GALNTL6: variants seen among roughly 807,000 people sequenced by gnomAD.
GALNTL6 encodes the protein polypeptide N-acetylgalactosaminyltransferase-like 6.
GALNTL6 carries 46 observed loss-of-function variants against 73.7 expected under a neutral mutation model. That is an observed-to-expected ratio of 0.62 (90% CI 0.49 to 0.80). GALNTL6 has a LOEUF of 0.80. Among genes scored for constraint, GALNTL6 ranks in the 30% least tolerant of loss-of-function variants. GALNTL6 has a pLI of 0.00. For synonymous variants in GALNTL6, 259 were observed against 263.7 expected (o/e 0.98, Z 0.17); for missense variants, 604 against 755.0 (o/e 0.80, Z 2.34).
At chr4:172,058,833 T>C (rs1290734860) in intron 2 of GALNTL6, among the ~76,000 whole-genome samples, 1 of 152,148 alleles carries the variant, frequency 6.6e-6, no homozygotes, top group Non-Finnish European at 1.5e-5. Flanking sequence ...TTTAACTATA[T>C]CTTATAAGTC....
At chr4:172,717,134 G>A (rs998166072) in intron 5 of GALNTL6, among the ~76,000 whole-genome samples, 4 of 151,900 alleles carry the variant, frequency 2.6e-5, no homozygotes, top group African/African-American at 9.7e-5. Flanking sequence ...AAAAAATTCA[G>A]TGTCATTTAA....
intron 10 of GALNTL6, among the ~76,000 whole-genome samples, chr4:172,984,731 A>G (rs1751221472): frequency 6.6e-6 from 1 of 152,210 alleles, no homozygotes; most frequent in African/African-American, 2.4e-5. Flanking sequence ...GTATCCTCTT[A>G]TAAGAAACCT....
chr4:172,042,455 T>A (rs192161905), intron 2 of GALNTL6, among the ~76,000 whole-genome samples: 1 of 152,026 alleles, frequency 6.6e-6, no homozygotes, highest in East Asian at 1.9e-4. Flanking sequence ...TATATCCAAT[T>A]GCTCATTAAG....
intron 2 of GALNTL6, among the ~76,000 whole-genome samples, chr4:172,071,931 T>C (rs1731544212): frequency 6.6e-6 from 1 of 152,216 alleles, no homozygotes; most frequent in Admixed American, 6.5e-5. Flanking sequence ...AGGAAAGTTA[T>C]CTGTTCATAA....
intron 5 of GALNTL6, among the ~76,000 whole-genome samples, chr4:172,721,465 T>A (rs1735469502): frequency 6.6e-6 from 1 of 152,212 alleles, no homozygotes; most frequent in South Asian, 2.1e-4. Flanking sequence ...GCAGAAATAT[T>A]AATATAGAAA....
At position 172,157,547 on chromosome 4, in the gene GALNTL6, A is replaced by G. The variant is rs181217087; in HGVS notation, c.139-72109A>G. ...TAAAGTTATAGTAATTTATTTATGA[A>G]TACAAGGTTAGAAGACAAGTCAATT... On this transcript the variant is annotated intron_variant, in intron 2 of 12. Coordinates refer to ENST00000506823, the MANE Select transcript of GALNTL6 (RefSeq NM_001034845.3). Among the ~76,000 whole-genome samples, 7 of 152,296 alleles carry G rather than the reference A, an allele frequency of 4.6e-5. No homozygotes were observed. In the East Asian group the frequency reaches 1.2e-3, roughly 25 times the overall value.
chr4:172,469,461 A>G (rs1024265832), intron 5 of GALNTL6, among the ~76,000 whole-genome samples: 2 of 151,624 alleles, frequency 1.3e-5, no homozygotes, highest in African/African-American at 4.8e-5. Flanking sequence ...AAAAAAAAAA[A>G]TAGCCAGTCA....
At chr4:173,022,757 T>C (rs1200208553) in intron 12 of GALNTL6, among the ~76,000 whole-genome samples, 1 of 152,220 alleles carries the variant, frequency 6.6e-6, no homozygotes, top group Non-Finnish European at 1.5e-5. Context: ...CAGTGAATGG[T>C]AGGAAAAATT....
chr4:172,742,924 T>C (rs1317531370), intron 5 of GALNTL6, among the ~76,000 whole-genome samples: 1 of 151,996 alleles, frequency 6.6e-6, no homozygotes, highest in Non-Finnish European at 1.5e-5. Flanking sequence ...GTTTACTGCT[T>C]TTACTTAATG....
At chr4:171,944,346 A>G (rs1738639906) in intron 2 of GALNTL6, among the ~76,000 whole-genome samples, 1 of 152,044 alleles carries the variant, frequency 6.6e-6, no homozygotes, top group Admixed American at 6.6e-5. Context: ...TCCTTAGGAT[A>G]TTGCTAAACA....
At chr4:172,090,804 C>G (rs1377240005) in intron 2 of GALNTL6, among the ~76,000 whole-genome samples, 2 of 152,112 alleles carry the variant, frequency 1.3e-5, no homozygotes, top group Non-Finnish European at 2.9e-5. Context: ...CCTAGATTTT[C>G]TTCTAGGGTT....
chr4:172,958,717 G>A (rs1380446772), intron 10 of GALNTL6, among the ~76,000 whole-genome samples: 2 of 152,160 alleles, frequency 1.3e-5, no homozygotes, highest in Non-Finnish European at 2.9e-5. Context: ...TGAAGTAATG[G>A]GGGCTGTCTG....
intron 5 of GALNTL6, among the ~76,000 whole-genome samples, chr4:172,742,324 A>C (rs1736854141): frequency 6.6e-6 from 1 of 151,878 alleles, no homozygotes; most frequent in Admixed American, 6.6e-5. Context: ...TCTTGTATCC[A>C]AAACATAGTA....
chr4:172,601,559 T>G (rs919185743), intron 5 of GALNTL6, among the ~76,000 whole-genome samples: 1 of 152,178 alleles, frequency 6.6e-6, no homozygotes, highest in Non-Finnish European at 1.5e-5. Context: ...TTTTCTGCTT[T>G]CTCACAGTGG....
intron 5 of GALNTL6, among the ~76,000 whole-genome samples, chr4:172,576,092 A>G (rs1316189442): frequency 6.6e-6 from 1 of 151,960 alleles, no homozygotes; most frequent in Non-Finnish European, 1.5e-5. Context: ...TACTTCTTTT[A>G]TTTAAAGCTG....
At chr4:172,388,314 T>C (rs533746673) in intron 5 of GALNTL6, among the ~76,000 whole-genome samples, 1 of 152,286 alleles carries the variant, frequency 6.6e-6, no homozygotes, top group East Asian at 1.9e-4. Flanking sequence ...ATTGGTCAAT[T>C]TAAAATCATA....
chr4:173,009,351 A>T (rs1331204452), intron 11 of GALNTL6, 57 bp downstream of exon 11: 3 of 997,606 alleles, frequency 3.0e-6, no homozygotes, highest in Non-Finnish European at 3.2e-6. Flanking sequence ...TGATGCAGAC[A>T]CAGAGGGATG....
chr4:171,965,905 T>C (rs1035289626), intron 2 of GALNTL6, among the ~76,000 whole-genome samples: 2 of 152,220 alleles, frequency 1.3e-5, no homozygotes, highest in African/African-American at 4.8e-5. Context: ...GTAGAATTCA[T>C]ATGTCTAAAA....
intron 5 of GALNTL6, among the ~76,000 whole-genome samples, chr4:172,560,564 T>C (rs1374398091): frequency 1.3e-5 from 2 of 152,142 alleles, no homozygotes; most frequent in Non-Finnish European, 2.9e-5. Flanking sequence ...AGCACATCAG[T>C]ATTAAACTCA....
Sources: gnomAD v4.1 joint callset for allele counts (sites outside exome capture counted in the v4.1 genomes callset) on GRCh38, gnomAD v4.1.1 for gene constraint, MANE v1.5 for transcripts, NCBI Gene and HGNC (gene_info 2026-07-23, HGNC 2026-07-21) for gene names.